PLPPR1: variants seen among roughly 807,000 people sequenced by gnomAD.
The protein encoded by PLPPR1 is phospholipid phosphatase-related protein type 1.
A neutral mutation model predicts 33.1 loss-of-function variants in PLPPR1; 10 were observed. The observed-to-expected ratio is 0.30, with a 90% confidence interval of 0.19 to 0.51. PLPPR1 has a LOEUF of 0.51. Ranked by LOEUF, PLPPR1 falls within the 20% of genes least tolerant of loss-of-function variation. The pLI is 0.97. For synonymous variants in PLPPR1, 151 were observed against 151.0 expected, an observed-to-expected ratio of 1.00 and a Z score of 0.00; for missense variants, 304 against 408.1, an observed-to-expected ratio of 0.74 and a Z score of 2.20.
rs953517663 is a variant in PLPPR1 at position 101,123,572 on chromosome 9, G to C, written c.-45-61878G>C. ...ATTGTGGAGGCTGTGAAGGCCCTGA[G>C]CTCTGGGAGCCCACACTATTTATTG... On this transcript the variant is annotated intron_variant, in intron 1 of 7. Coordinates refer to ENST00000374874, the MANE Select transcript of PLPPR1 (RefSeq NM_207299.2). 3.9e-5 allele frequency among the ~76,000 whole-genome samples: 6 copies of C among 152,180 alleles called. No homozygotes were observed. The East Asian group carries it at 1.2e-3, about 29-fold the overall frequency.
chr9:101,158,693 A>G (rs1831731344), intron 1 of PLPPR1, among the ~76,000 whole-genome samples: 2 of 152,206 alleles, frequency 1.3e-5, no homozygotes, highest in African/African-American at 4.8e-5. Flanking sequence ...AAATACCTTC[A>G]AACGTTGGTT....
intron 1 of PLPPR1, among the ~76,000 whole-genome samples, chr9:101,094,631 A>G (rs570254989): frequency 3.3e-5 from 5 of 152,300 alleles, no homozygotes; most frequent in African/African-American, 7.2e-5. Context: ...ATTCATAAAT[A>G]CCATCATATT....
At chr9:101,186,503 G>A (rs1016337352) in intron 2 of PLPPR1, among the ~76,000 whole-genome samples, 11 of 151,714 alleles carry the variant, frequency 7.3e-5, no homozygotes, top group Admixed American at 3.9e-4. Flanking sequence ...AATGTGTGTT[G>A]ATCTACTTTA....
chr9:101,237,841 T>C (rs1827342123), intron 2 of PLPPR1, among the ~76,000 whole-genome samples: 1 of 98,804 alleles, frequency 1.0e-5, no homozygotes, highest in African/African-American at 4.7e-5. Context: ...ATATATGCTA[T>C]ATATGTGTGT....
At chr9:101,088,399 G>T in intron 1 of PLPPR1, among the ~76,000 whole-genome samples, 1 of 150,476 alleles carries the variant, frequency 6.6e-6, no homozygotes, top group South Asian at 2.1e-4. Flanking sequence ...AATAATTATT[G>T]AAAAAAAGTA....
At chr9:101,106,548 G>T in intron 1 of PLPPR1, among the ~76,000 whole-genome samples, 1 of 96,756 alleles carries the variant, frequency 1.0e-5, no homozygotes. Context: ...TCCTTTGAGG[G>T]TAACCCGACC....
chr9:101,090,457 G>A (rs550422700), intron 1 of PLPPR1, among the ~76,000 whole-genome samples: 7 of 152,256 alleles, frequency 4.6e-5, no homozygotes, highest in Admixed American at 4.6e-4. Context: ...ACACATGCAG[G>A]TGTTGTTTGA....
intron 4 of PLPPR1, among the ~76,000 whole-genome samples, chr9:101,300,082 G>C (rs1588117447): frequency 2.0e-5 from 3 of 151,940 alleles, no homozygotes; most frequent in African/African-American, 7.3e-5. Context: ...AACAAAACTA[G>C]GCACTAACTG....
At chr9:101,091,301 C>T (rs1026552267) in intron 1 of PLPPR1, among the ~76,000 whole-genome samples, 4 of 152,048 alleles carry the variant, frequency 2.6e-5, no homozygotes, top group Non-Finnish European at 5.9e-5. Context: ...AACAAATTGT[C>T]GCAGAATTAG....
chr9:101,175,214 C>T (rs1322959527), intron 1 of PLPPR1, among the ~76,000 whole-genome samples: 2 of 152,130 alleles, frequency 1.3e-5, no homozygotes, highest in East Asian at 3.9e-4. Flanking sequence ...CTCTAACAAA[C>T]CTTTACTTAT....
At chr9:101,242,543 G>C (rs536718600) in intron 2 of PLPPR1, among the ~76,000 whole-genome samples, 89 of 152,018 alleles carry the variant, frequency 5.9e-4, no homozygotes, top group African/African-American at 2.0e-3. Context: ...ACATGATGTT[G>C]GTGCCTGATT....
intron 1 of PLPPR1, among the ~76,000 whole-genome samples, chr9:101,039,923 A>C (rs1046572307): frequency 6.1e-5 from 1 of 16,520 alleles, no homozygotes; most frequent in African/African-American, 4.1e-4. Context: ...ATTGCCTCCT[A>C]AAAAAAAAAA....
chr9:101,220,812 G>T (rs868625485), intron 2 of PLPPR1, among the ~76,000 whole-genome samples: 18 of 152,308 alleles, frequency 1.2e-4, no homozygotes, highest in African/African-American at 4.3e-4. Context: ...CTAGAAGGTT[G>T]AACATGTTGT....
At chr9:101,135,569 A>G (rs1237820455) in intron 1 of PLPPR1, among the ~76,000 whole-genome samples, 1 of 152,148 alleles carries the variant, frequency 6.6e-6, no homozygotes, top group African/African-American at 2.4e-5. Context: ...CACTTAAATG[A>G]GGCTCTCAGG....
chr9:101,246,834 G>T (rs950735147), intron 2 of PLPPR1, among the ~76,000 whole-genome samples: 21 of 152,120 alleles, frequency 1.4e-4, no homozygotes, highest in African/African-American at 5.1e-4. Flanking sequence ...ACCAGCTATT[G>T]TCTGTGGTGC....
intron 6 of PLPPR1, among the ~76,000 whole-genome samples, chr9:101,314,545 T>C (rs1018706150): frequency 1.3e-5 from 2 of 151,620 alleles, no homozygotes; most frequent in East Asian, 1.9e-4. Context: ...CCAGTGCATA[T>C]AAAAAGTTAT....
intron 1 of PLPPR1, among the ~76,000 whole-genome samples, chr9:101,074,011 C>T (rs1830509341): frequency 6.6e-6 from 1 of 151,988 alleles, no homozygotes; most frequent in Non-Finnish European, 1.5e-5. Context: ...AATTCCTGTC[C>T]CAAAGAAATG....
chr9:101,071,368 C>T (rs977691447), intron 1 of PLPPR1, among the ~76,000 whole-genome samples: 2 of 152,150 alleles, frequency 1.3e-5, no homozygotes, highest in Non-Finnish European at 2.9e-5. Context: ...AAATTGCAGA[C>T]TGATGTAACC....
At chr9:101,151,589 T>C (rs776519) in intron 1 of PLPPR1, among the ~76,000 whole-genome samples, 110,749 of 152,096 alleles carry the variant, frequency 0.73, 40,841 homozygotes, top group African/African-American at 0.78. Context: ...TGGATGAATG[T>C]TTGAGCATGT....
Sources: allele counts gnomAD v4.1 joint callset (sites outside exome capture counted in the v4.1 genomes callset), GRCh38; gene constraint gnomAD v4.1.1; transcripts MANE v1.5; gene names NCBI Gene and HGNC (gene_info 2026-07-23, HGNC 2026-07-21).